The following RSRC1 variants were observed in gnomAD, a reference collection of about 807,000 sequenced individuals.
The protein encoded by RSRC1 is arginine and serine rich coiled-coil 1, also known as serine/Arginine-related protein 53.
RSRC1 carries 39 observed loss-of-function variants against 49.1 expected under a neutral mutation model. The observed-to-expected ratio is 0.79, with a 90% confidence interval of 0.61 to 1.04. RSRC1 has a LOEUF of 1.04. Ranked by LOEUF, RSRC1 falls within the 50% of genes least tolerant of loss-of-function variation. RSRC1 has a pLI of 0.00. For missense variants in RSRC1, 388 were observed against 402.4 expected (o/e 0.96, Z 0.31); for synonymous variants, 143 against 130.8 (o/e 1.09, Z -0.63).
chr3:158,378,335 C>T (rs1323854769), intron 6 of RSRC1, among the ~76,000 whole-genome samples: 1 of 152,196 alleles, frequency 6.6e-6, no homozygotes, highest in African/African-American at 2.4e-5. Context: ...TCTGAGTTCT[C>T]TCAAGGTTGG....
chr3:158,185,220 C>G (rs755251727), intron 3 of RSRC1, among the ~76,000 whole-genome samples: 18 of 151,840 alleles, frequency 1.2e-4, no homozygotes, highest in Non-Finnish European at 2.2e-4. Context: ...AATGCAGTGT[C>G]TTTGATACCT....
chr3:158,525,166 G>A lies in RSRC1; in HGVS notation c.653-11926G>A, dbSNP rs148810927. Among the ~76,000 whole-genome samples the A allele has an allele frequency of 2.3e-3, 343 of 152,030 alleles. 1 individual carries two copies. The highest frequency in any genetic ancestry group is 3.8e-3 in the Admixed American group (58 of 15,236). On this transcript the variant is annotated intron_variant, in intron 7 of 9. Coordinates refer to ENST00000611884, the MANE Select transcript of RSRC1 (RefSeq NM_001271838.2). ...GAATGGAAGCAAATATTAGCAATATGTATTAACAAAGGACTTCAATTCCGT... is the reference window on the plus strand; with the variant it reads ...GAATGGAAGCAAATATTAGCAATATATATTAACAAAGGACTTCAATTCCGT...
chr3:158,186,792 T>TC (rs1345762823), intron 3 of RSRC1, among the ~76,000 whole-genome samples: 1 of 151,930 alleles, frequency 6.6e-6, no homozygotes, highest in East Asian at 1.9e-4. Context: ...TTGCTTTTTT[T>TC]CCCCTTCTTC....
chr3:158,206,584 G>A (rs852110), intron 4 of RSRC1, among the ~76,000 whole-genome samples: 86,846 of 151,908 alleles, frequency 0.57, 25,189 homozygotes, highest in East Asian at 0.73. Flanking sequence ...TCTACATGGG[G>A]TATGAACAAA....
chr3:158,227,166 A>G (rs1414496540), intron 4 of RSRC1, among the ~76,000 whole-genome samples: 2 of 151,660 alleles, frequency 1.3e-5, no homozygotes. Flanking sequence ...TGGGGATGTT[A>G]TTGCCCCTAT....
At chr3:158,480,153 C>T (rs964285503) in intron 7 of RSRC1, among the ~76,000 whole-genome samples, 1 of 151,934 alleles carries the variant, frequency 6.6e-6, no homozygotes, top group Non-Finnish European at 1.5e-5. Flanking sequence ...TAAAGTTTTC[C>T]ATCTGTTAGT....
At chr3:158,413,033 G>T (rs1237522418) in intron 6 of RSRC1, among the ~76,000 whole-genome samples, 1 of 152,068 alleles carries the variant, frequency 6.6e-6, no homozygotes, top group Non-Finnish European at 1.5e-5. Context: ...GCATTACCAA[G>T]ACTATCCTAA....
intron 9 of RSRC1, 112 bp downstream of exon 9, chr3:158,543,599 A>G (rs1576618927): frequency 1.7e-6 from 2 of 1,148,636 alleles, no homozygotes; most frequent in East Asian, 2.6e-5. Flanking sequence ...AAACAGGTTC[A>G]TATTCCCTTG....
intron 7 of RSRC1, among the ~76,000 whole-genome samples, chr3:158,505,839 G>T (rs1739836732): frequency 6.6e-6 from 1 of 151,992 alleles, no homozygotes; most frequent in African/African-American, 2.4e-5. Context: ...GTAATCAAGA[G>T]AATATGGTTC....
Position 158,496,888 on chromosome 3 carries a change from C to T in RSRC1, c.652+35885C>T, listed in dbSNP as rs544816191. 13 of 209,858 alleles carry T rather than the reference C, an allele frequency of 6.2e-5. No homozygotes were observed. The South Asian group carries it at 9.9e-4, about 16-fold the overall frequency. 13.0% of individuals were successfully genotyped at this position (209,858 alleles called of 1,614,324 possible). On this transcript the variant is annotated intron_variant, in intron 7 of 9. Transcript: ENST00000611884. ...AGTTAAGGACTATGGCAAAGAATCT[C>T]AGGCCAAGGATGTCATTGACGAGTA...
chr3:158,324,849 C>G (rs1431710289), intron 5 of RSRC1, among the ~76,000 whole-genome samples: 1 of 152,228 alleles, frequency 6.6e-6, no homozygotes, highest in Non-Finnish European at 1.5e-5. Flanking sequence ...GTCCCATCAA[C>G]AGTGTAAAAG....
At chr3:158,405,316 C>T (rs184565774) in intron 6 of RSRC1, among the ~76,000 whole-genome samples, 362 of 152,156 alleles carry the variant, frequency 2.4e-3, no homozygotes, top group Non-Finnish European at 4.1e-3. Flanking sequence ...ACTATATCTA[C>T]ATACAGTTTT....
At chr3:158,431,322 A>G (rs993722473) in intron 6 of RSRC1, among the ~76,000 whole-genome samples, 4 of 151,906 alleles carry the variant, frequency 2.6e-5, no homozygotes, top group African/African-American at 9.7e-5. Context: ...AACAGCTAAC[A>G]TAAATTTTCT....
At chr3:158,433,779 C>T (rs1735899988) in intron 6 of RSRC1, among the ~76,000 whole-genome samples, 1 of 151,872 alleles carries the variant, frequency 6.6e-6, no homozygotes, top group South Asian at 2.1e-4. Context: ...ACAAATATAT[C>T]TCTAGACATA....
intron 4 of RSRC1, among the ~76,000 whole-genome samples, chr3:158,267,890 CATT>C (rs1444720171): frequency 5.1e-4 from 42 of 82,276 alleles, no homozygotes; most frequent in African/African-American, 1.6e-3. Flanking sequence ...GCTTAAAAAA[CATT>C]ATAGCCACTC....
chr3:158,493,453 G>C (rs1046440601), intron 7 of RSRC1, among the ~76,000 whole-genome samples: 1 of 152,176 alleles, frequency 6.6e-6, no homozygotes, highest in Non-Finnish European at 1.5e-5. Flanking sequence ...CTCTCATTTA[G>C]AGTTATTTCT....
intron 6 of RSRC1, among the ~76,000 whole-genome samples, chr3:158,379,408 G>T (rs1732571267): frequency 6.6e-6 from 1 of 151,742 alleles, no homozygotes; most frequent in Non-Finnish European, 1.5e-5. Context: ...CACCATGTTA[G>T]CCAGGATGGT....
At chr3:158,334,373 G>C (rs963182157) in intron 5 of RSRC1, among the ~76,000 whole-genome samples, 13 of 152,060 alleles carry the variant, frequency 8.5e-5, no homozygotes, top group Non-Finnish European at 1.8e-4. Context: ...AAATTTTATA[G>C]AGGTCTAATG....
At chr3:158,422,995 G>A in intron 6 of RSRC1, among the ~76,000 whole-genome samples, 1 of 152,096 alleles carries the variant, frequency 6.6e-6, no homozygotes, top group South Asian at 2.1e-4. Context: ...CAGATGAGTA[G>A]GTTGCAAAAA....
Sources: gnomAD v4.1 joint callset for allele counts (sites outside exome capture counted in the v4.1 genomes callset) on GRCh38, gnomAD v4.1.1 for gene constraint, MANE v1.5 for transcripts, NCBI Gene and HGNC (gene_info 2026-07-23, HGNC 2026-07-21) for gene names.